The following PCDHGA1 variants were observed in gnomAD, a reference collection of about 807,000 sequenced individuals.
PCDHGA1 encodes the protein protocadherin gamma-A1.
In PCDHGA1, 32 loss-of-function variants were observed where a neutral mutation model predicts 58.0. That is an observed-to-expected ratio of 0.55 (90% CI 0.42 to 0.74). The LOEUF (loss-of-function observed/expected upper bound fraction) is 0.74. PCDHGA1 is among the 30% of genes least tolerant of loss of function. The pLI is 0.00. For missense variants in PCDHGA1, 1,205 were observed against 1,182.3 expected (o/e 1.02, Z -0.28); for synonymous variants, 498 against 501.1 (o/e 0.99, Z 0.08).
chr5:141,501,328 CACACA>C (rs1562200832), intron 2 of PCDHGA1, among the ~76,000 whole-genome samples: 17 of 151,710 alleles, frequency 1.1e-4, no homozygotes, highest in African/African-American at 1.9e-4. Context: ...CACACACACA[CACACA>C]CCCCAAACTC....
chr5:141,490,215 G>C lies in PCDHGA1; in HGVS notation c.2422-4592G>C. 6.2e-7 allele frequency: 1 copy of C among 1,614,254 alleles called. No individual in the cohort carries two copies. Among genetic ancestry groups the C allele is most frequent in the African/African-American group, 1.3e-5 (1 of 75,078 alleles). On this transcript the variant is annotated intron_variant, in intron 1 of 3. Coordinates refer to ENST00000517417, the MANE Select transcript of PCDHGA1 (RefSeq NM_018912.3). The surrounding 1 kb of genome is among the most constrained non-coding windows in gnomAD (Gnocchi z 5.4). ...AAATTCATGCAAGAGCCCGTGACCA[G>C]GGACAGCCTGCCATGGAGGGCCACT... is the stretch of plus-strand genomic sequence containing the variant.
intron 1 of PCDHGA1, chr5:141,339,152 G>A (rs369706288): frequency 1.9e-6 from 3 of 1,614,098 alleles, no homozygotes; most frequent in South Asian, 2.2e-5. Flanking sequence ...GGCACTGGCA[G>A]AGCAGGGAGT....
chr5:141,360,143 C>A, intron 1 of PCDHGA1: 2 of 1,594,882 alleles, frequency 1.3e-6, no homozygotes, highest in Non-Finnish European at 8.6e-7. Context: ...AAGATGAAAG[C>A]GAGCTCAGGG....
chr5:141,369,516 T>C (rs1766308366), intron 1 of PCDHGA1, among the ~76,000 whole-genome samples: 1 of 151,978 alleles, frequency 6.6e-6, no homozygotes, highest in South Asian at 2.1e-4. Flanking sequence ...AAAAAAAAAG[T>C]TTTCAATCAT....
intron 1 of PCDHGA1, chr5:141,420,925 G>A: frequency 2.8e-6 from 1 of 355,536 alleles, no homozygotes; most frequent in Non-Finnish European, 5.1e-6. Context: ...TCACAAAGGT[G>A]AGCGTAATCA....
At chr5:141,421,081 A>G (rs775366249) in intron 1 of PCDHGA1, 61 of 637,820 alleles carry the variant, frequency 9.6e-5, no homozygotes, top group Non-Finnish European at 1.4e-4. Flanking sequence ...ATGGATACTC[A>G]CAGATCCTGA....
intron 1 of PCDHGA1, chr5:141,355,214 C>A (rs1561508091): frequency 6.2e-7 from 1 of 1,601,954 alleles, no homozygotes; most frequent in Admixed American, 1.7e-5. Flanking sequence ...GCGGCGCCTC[C>A]TGCTCGCCCA....
Position 141,476,247 on chromosome 5 carries a change from G to A in PCDHGA1, c.2422-18560G>A. The A allele has an allele frequency of 6.2e-7, 1 of 1,614,042 alleles. No individual in the cohort carries two copies. Among genetic ancestry groups the A allele is most frequent in the Non-Finnish European group, 8.5e-7 (1 of 1,180,010 alleles). Reference sequence around the variant, plus strand: ...GAGATCCCGGAGGAAAGAGAGAAGGGTTTCGCTGTGGGCAACGTGGTCGCG... The same window carrying A: ...GAGATCCCGGAGGAAAGAGAGAAGGATTTCGCTGTGGGCAACGTGGTCGCG... On this transcript the variant is annotated intron_variant, in intron 1 of 3. Transcript: ENST00000517417. This position sits in a 1 kb window ranked among gnomAD's most constrained non-coding sequence, Gnocchi z 7.6.
chr5:141,393,450 A>G, intron 1 of PCDHGA1: 1 of 1,614,028 alleles, frequency 6.2e-7, no homozygotes, highest in Non-Finnish European at 8.5e-7. Context: ...CCTGGTCCTC[A>G]CGGCCTCGGA....
At chr5:141,395,506 G>A in intron 1 of PCDHGA1, 1 of 433,794 alleles carries the variant, frequency 2.3e-6, no homozygotes, top group East Asian at 4.4e-5. Flanking sequence ...CACTTAAGAA[G>A]TAGCTACCCG....
intron 1 of PCDHGA1, among the ~76,000 whole-genome samples, chr5:141,437,514 C>G (rs2097891371): frequency 6.6e-6 from 1 of 152,114 alleles, no homozygotes; most frequent in South Asian, 2.1e-4. Flanking sequence ...AATTATAAGG[C>G]TGATGACAAA....
chr5:141,489,150 TAA>T lies in PCDHGA1; in HGVS notation c.2422-5656_2422-5655del. 1.2e-6 allele frequency: 1 copy of T among 862,654 alleles called. No homozygotes were observed. Among genetic ancestry groups the T allele is most frequent in the Non-Finnish European group, 1.7e-6 (1 of 575,074 alleles). The allele number at this position is 862,654 out of a possible 1,614,324, so 53.4% of individuals were successfully genotyped here. On this transcript the variant is annotated intron_variant, in intron 1 of 3. Coordinates refer to ENST00000517417, the MANE Select transcript of PCDHGA1 (RefSeq NM_018912.3). This position sits in a 1 kb window ranked among gnomAD's most constrained non-coding sequence, Gnocchi z 4.5. ...GTTTTTAAGAGGCTGGAAGGAGACA[TAA>T]GAGACTTCAGCTGCTGCATTCCAAG... is the stretch of plus-strand genomic sequence containing the variant.
At chr5:141,403,267 C>A in intron 1 of PCDHGA1, 1 of 1,613,888 alleles carries the variant, frequency 6.2e-7, no homozygotes, top group Non-Finnish European at 8.5e-7. Context: ...GTCTGGTGAA[C>A]TTTAAAGTCC....
chr5:141,376,676 G>GC (rs1773026765), intron 1 of PCDHGA1: 1 of 275,812 alleles, frequency 3.6e-6, no homozygotes, highest in Non-Finnish European at 6.2e-6. Context: ...TGAGGGTATC[G>GC]TTTTTTTTTT....
chr5:141,437,622 A>G (rs1007643306), intron 1 of PCDHGA1, among the ~76,000 whole-genome samples: 2 of 152,192 alleles, frequency 1.3e-5, no homozygotes, highest in Non-Finnish European at 2.9e-5. Flanking sequence ...TTATCCCCAT[A>G]TAAGATGTCA....
intron 2 of PCDHGA1, among the ~76,000 whole-genome samples, chr5:141,495,644 A>G (rs767670166): frequency 5.3e-5 from 8 of 151,770 alleles, no homozygotes; most frequent in Non-Finnish European, 1.0e-4. Context: ...TCATTTGTCT[A>G]CTTGCATTGA....
In PCDHGA1 at chr5:141,365,508, A is replaced by G. The variant is rs781290416; in HGVS notation, c.2421+32403A>G. On this transcript the variant is annotated intron_variant, in intron 1 of 3. Transcript: ENST00000517417. Reference sequence around the variant, plus strand: ...TCTATTCCTAGGAATTTGCCTTTTAAATTGGAGAAGTCAGTTGATAATTAC... The same window carrying G: ...TCTATTCCTAGGAATTTGCCTTTTAGATTGGAGAAGTCAGTTGATAATTAC... The G allele has an allele frequency of 2.2e-5, 35 of 1,613,930 alleles. No homozygotes were observed. The South Asian group carries it at 3.8e-4, about 18-fold the overall frequency.
chr5:141,369,402 C>A (rs1207187527), intron 1 of PCDHGA1, among the ~76,000 whole-genome samples: 2 of 152,072 alleles, frequency 1.3e-5, no homozygotes, highest in Non-Finnish European at 2.9e-5. Flanking sequence ...CAGGGTGGTT[C>A]ATGACTATAA....
intron 1 of PCDHGA1, among the ~76,000 whole-genome samples, chr5:141,448,831 G>C (rs985602153): frequency 4.6e-5 from 7 of 152,096 alleles, no homozygotes; most frequent in Non-Finnish European, 7.4e-5. Flanking sequence ...TGTAGTCCCA[G>C]CTACTCTGGA....
Sources: allele counts gnomAD v4.1 joint callset (sites outside exome capture counted in the v4.1 genomes callset), GRCh38; gene constraint gnomAD v4.1.1; non-coding constraint Gnocchi (gnomAD v3.1); transcripts MANE v1.5; gene names NCBI Gene and HGNC (gene_info 2026-07-23, HGNC 2026-07-21).